GYS2: variants seen among roughly 807,000 people sequenced by gnomAD.
GYS2 encodes glycogen synthase 2.
A neutral mutation model predicts 85.6 loss-of-function variants in GYS2; 80 were observed. That is an observed-to-expected ratio of 0.93 (90% CI 0.78 to 1.13). GYS2 has a LOEUF of 1.13. Ranked by LOEUF, GYS2 falls within the 50% of genes most tolerant of loss-of-function variation. The pLI is 0.00. For missense variants in GYS2, 881 were observed against 854.9 expected, an observed-to-expected ratio of 1.03 and a Z score of -0.38; for synonymous variants, 328 against 300.7, an observed-to-expected ratio of 1.09 and a Z score of -0.94.
At chr12:21,554,422 A>G (rs1442723368) in intron 11 of GYS2, among the ~76,000 whole-genome samples, 1 of 152,138 alleles carries the variant, frequency 6.6e-6, no homozygotes, top group South Asian at 2.1e-4. Flanking sequence ...CATCCTTCAC[A>G]GGGCTTTCTC....
chr12:21,563,447 C>A, intron 5 of GYS2, 102 bp from the exon 6 acceptor site: 1 of 707,256 alleles, frequency 1.4e-6, no homozygotes, highest in Non-Finnish European at 2.5e-6. Flanking sequence ...TGTTTATTGA[C>A]ATTCTACTTT....
intron 11 of GYS2, among the ~76,000 whole-genome samples, chr12:21,551,931 C>T (rs1040142234): frequency 3.3e-5 from 5 of 152,114 alleles, no homozygotes; most frequent in Non-Finnish European, 1.5e-5. Flanking sequence ...CTCCAAAGCC[C>T]ATTTTGGAAC....
chr12:21,559,681 A>G lies in GYS2; in HGVS notation c.1199T>C (p.Phe400Ser). Residue 400 changes from phenylalanine (F) to serine (S), a missense_variant, in exon 9 of 16, where the codon TTT (phenylalanine) becomes TCT (serine). By Grantham distance (155) the Phe-to-Ser change is radical. Coordinates refer to ENST00000261195, the MANE Select transcript of GYS2 (RefSeq NM_021957.4). ...WDVAHSVKEKFGKKLYDALLR... is the reference protein window; with the variant it reads ...WDVAHSVKEKSGKKLYDALLR... ...TAATGCATCATAGAGTTTTTTTCCA[A>G]ACTTTTCCTTCACAGAATGTGCAAC... is the stretch of plus-strand genomic sequence containing the variant. 1.3e-6 allele frequency: 2 copies of G among 1,595,558 alleles called. No homozygotes were observed. The highest frequency in any genetic ancestry group is 1.7e-6 in the Non-Finnish European group (2 of 1,163,260).
chr12:21,573,929 G>T (rs1317258454), intron 4 of GYS2, among the ~76,000 whole-genome samples: 1 of 152,124 alleles, frequency 6.6e-6, no homozygotes, highest in Non-Finnish European at 1.5e-5. Flanking sequence ...ACAGAAATCA[G>T]GCCTCTCACC....
intron 2 of GYS2, among the ~76,000 whole-genome samples, chr12:21,579,103 A>G (rs1056673418): frequency 2.0e-5 from 3 of 152,090 alleles, no homozygotes; most frequent in African/African-American, 4.8e-5. Context: ...ACCAAACCCA[A>G]CAGACCCTGG....
At chr12:21,590,258 G>A (rs1421269751) in intron 1 of GYS2, among the ~76,000 whole-genome samples, 2 of 152,166 alleles carry the variant, frequency 1.3e-5, no homozygotes, top group African/African-American at 4.8e-5. Flanking sequence ...GCCTATGATA[G>A]CCGGTGTCCA....
At chr12:21,578,313 G>T (rs543797319) in intron 2 of GYS2, among the ~76,000 whole-genome samples, 1 of 151,992 alleles carries the variant, frequency 6.6e-6, no homozygotes, top group South Asian at 2.1e-4. Flanking sequence ...CCAATGCAAT[G>T]GCCCATGAAT....
At chr12:21,539,847 T>G (rs1943951662) in intron 14 of GYS2, among the ~76,000 whole-genome samples, 1 of 152,198 alleles carries the variant, frequency 6.6e-6, no homozygotes, top group Non-Finnish European at 1.5e-5. Context: ...GCATCTCTCA[T>G]TCAGCCAAGA....
chr12:21,540,350 A>G lies in GYS2; in HGVS notation c.1809+60T>C, dbSNP rs1943957497. 4 of 1,277,826 alleles carry G rather than the reference A, an allele frequency of 3.1e-6. No individual in the cohort carries two copies. The South Asian group carries it at 4.8e-5, about 15-fold the overall frequency. The allele number at this position is 1,277,826 out of a possible 1,614,324, so 79.2% of individuals were successfully genotyped here. Reference sequence around the variant, plus strand: ...TTTAGAGATTATGACTAGAATCAATATGTTTATAGTCCAGTGGAATTTTTT... The same window carrying G: ...TTTAGAGATTATGACTAGAATCAATGTGTTTATAGTCCAGTGGAATTTTTT... On this transcript the variant is annotated intron_variant, in intron 14 of 15. Coordinates refer to ENST00000261195, the MANE Select transcript of GYS2 (RefSeq NM_021957.4).
At chr12:21,561,053 G>T (rs1333499970) in intron 7 of GYS2, among the ~76,000 whole-genome samples, 4 of 151,934 alleles carry the variant, frequency 2.6e-5, no homozygotes, top group Admixed American at 6.6e-5. Context: ...TTGGTTTTTA[G>T]CCCTAAAGCA....
chr12:21,555,301 A>G (rs976146314), intron 11 of GYS2, among the ~76,000 whole-genome samples: 1 of 152,004 alleles, frequency 6.6e-6, no homozygotes, highest in Non-Finnish European at 1.5e-5. Flanking sequence ...TAAGGGATAG[A>G]TTTTTCTATC....
At chr12:21,548,353 A>G (rs1332627921) in intron 11 of GYS2, among the ~76,000 whole-genome samples, 1 of 152,176 alleles carries the variant, frequency 6.6e-6, no homozygotes, top group African/African-American at 2.4e-5. Context: ...TTAAGCTACC[A>G]ATATGATGTT....
chr12:21,603,144 A>G (rs989672016), intron 1 of GYS2, among the ~76,000 whole-genome samples: 24 of 152,264 alleles, frequency 1.6e-4, no homozygotes, highest in Admixed American at 6.5e-5. Flanking sequence ...TCATTTCAGG[A>G]TAAAGATCTC....
Position 21,559,671 on chromosome 12 carries a change from T to A in GYS2, c.1209A>T (p.Lys403Asn), listed in dbSNP as rs1011182526. Residue 403 changes from lysine (K) to asparagine (N), a missense_variant, in exon 9 of 16, where the codon AAA becomes AAT. By Grantham distance (94) the Lys-to-Asn change is moderately conservative. Transcript: ENST00000261195. ...AHSVKEKFGK[K>N]LYDALLRGEI... Reference sequence around the variant, plus strand: ...CCTACCTTAATAATGCATCATAGAGTTTTTTTCCAAACTTTTCCTTCACAG... The same window carrying A: ...CCTACCTTAATAATGCATCATAGAGATTTTTTCCAAACTTTTCCTTCACAG... 1 of 1,587,500 alleles carries A rather than the reference T, an allele frequency of 6.3e-7. No homozygotes were observed.
rs188511275 is a variant in GYS2 at position 21,598,931 on chromosome 12, A to G, written c.121+5541T>C. 1.2e-3 allele frequency among the ~76,000 whole-genome samples: 187 copies of G among 152,244 alleles called. 1 individual carries two copies. The highest frequency in any genetic ancestry group is 4.4e-3 in the African/African-American group (181 of 41,560). On this transcript the variant is annotated intron_variant, in intron 1 of 15. Transcript: ENST00000261195. ...CACCTGAAAGAAAAGATGAGCTACC[A>G]TGGTACATATAACAATGAGGTGGTT...
At chr12:21,558,364 G>A in intron 10 of GYS2, 51 bp from the exon 11 acceptor site, 1 of 1,159,120 alleles carries the variant, frequency 8.6e-7, no homozygotes, top group Non-Finnish European at 1.3e-6. Context: ...ATTAATAAGG[G>A]TGACTAATTT....
intron 12 of GYS2, among the ~76,000 whole-genome samples, chr12:21,543,712 T>G (rs1372152426): frequency 6.6e-6 from 1 of 152,106 alleles, no homozygotes; most frequent in Non-Finnish European, 1.5e-5. Flanking sequence ...CCTGCATGCA[T>G]TAGGTATTTG....
chr12:21,537,837 A>G (rs1359547708), intron 15 of GYS2, among the ~76,000 whole-genome samples: 1 of 152,148 alleles, frequency 6.6e-6, no homozygotes, highest in Non-Finnish European at 1.5e-5. Context: ...CTGCAATGCC[A>G]CTAAAGAAAC....
intron 13 of GYS2, 80 bp from the exon 14 acceptor site, chr12:21,540,653 T>C: frequency 7.7e-7 from 1 of 1,293,430 alleles, no homozygotes; most frequent in Non-Finnish European, 1.1e-6. Context: ...TACTAACTCT[T>C]TGGTTCCATC....
Sources: gnomAD v4.1 joint callset for allele counts (sites outside exome capture counted in the v4.1 genomes callset) on GRCh38, gnomAD v4.1.1 for gene constraint, MANE v1.5 for transcripts, NCBI Gene and HGNC (gene_info 2026-07-23, HGNC 2026-07-21) for gene names.